ENTREP1: variants seen among roughly 807,000 people sequenced by gnomAD.
ENTREP1 encodes endosomal transmembrane epsin interactor 1.
chr9:69,335,752 C>G, the ENTREP1 span, among the ~76,000 whole-genome samples: 16 of 106,246 alleles, frequency 1.5e-4, no homozygotes, highest in Non-Finnish European at 2.7e-4. Context: ...AATAGTGATT[C>G]CTCACTCACC....
the ENTREP1 span, among the ~76,000 whole-genome samples, chr9:69,367,792 T>TATATAAATATATATATACAC: frequency 4.5e-3 from 195 of 43,066 alleles, 11 homozygotes; most frequent in African/African-American, 0.022. Flanking sequence ...TATACACACA[T>TATATAAATATATATATACAC]ATATATAAAT....
the ENTREP1 span, chr9:69,325,688 G>A: frequency 8.1e-7 from 1 of 1,231,202 alleles, no homozygotes; most frequent in Admixed American, 4.2e-5. Context: ...CTCCCCGCAG[G>A]TGAAGAACTC....
the ENTREP1 span, among the ~76,000 whole-genome samples, chr9:69,376,691 G>A: frequency 6.6e-6 from 1 of 152,188 alleles, no homozygotes; most frequent in African/African-American, 2.4e-5. Context: ...GAAATGGCCT[G>A]CTTTCCATGG....
the ENTREP1 span, among the ~76,000 whole-genome samples, chr9:69,376,613 G>C: frequency 2.4e-4 from 37 of 152,136 alleles, no homozygotes; most frequent in African/African-American, 8.9e-4. Context: ...CATTTTGGTG[G>C]GGAGGAAGAA....
At chr9:69,365,898 A>G in the ENTREP1 span, among the ~76,000 whole-genome samples, 115 of 152,284 alleles carry the variant, frequency 7.6e-4, no homozygotes, top group African/African-American at 2.7e-3. Flanking sequence ...CAATGTGTAT[A>G]TATACCATAT....
the ENTREP1 span, among the ~76,000 whole-genome samples, chr9:69,326,558 A>G: frequency 6.6e-6 from 1 of 152,098 alleles, no homozygotes; most frequent in African/African-American, 2.4e-5. Flanking sequence ...GCCAGTATCT[A>G]TGGACACCGG....
the ENTREP1 span, among the ~76,000 whole-genome samples, chr9:69,369,213 C>T: frequency 1.3e-5 from 2 of 152,112 alleles, no homozygotes; most frequent in African/African-American, 4.8e-5. Flanking sequence ...GCCACATTTT[C>T]TTTATCCAGT....
the ENTREP1 span, among the ~76,000 whole-genome samples, chr9:69,330,991 T>C: frequency 6.6e-6 from 1 of 152,092 alleles, no homozygotes; most frequent in Non-Finnish European, 1.5e-5. Flanking sequence ...TAGGACATTA[T>C]AGTTACCATC....
chr9:69,382,204 A>C, the ENTREP1 span: 1 of 152,300 alleles, frequency 6.6e-6, no homozygotes, highest in Non-Finnish European at 1.5e-5. Context: ...AGCAAATTGC[A>C]CTGTTCATTT....
chr9:69,337,347 A>G, the ENTREP1 span, among the ~76,000 whole-genome samples: 1 of 152,300 alleles, frequency 6.6e-6, no homozygotes, highest in South Asian at 2.1e-4. Flanking sequence ...TGTATTAATC[A>G]TGAATATATG....
the ENTREP1 span, among the ~76,000 whole-genome samples, chr9:69,341,595 G>A: frequency 6.6e-6 from 1 of 152,092 alleles, no homozygotes; most frequent in Non-Finnish European, 1.5e-5. Flanking sequence ...CTTGGATGGA[G>A]AGTCATAGAA....
At chr9:69,383,378 T>G in the ENTREP1 span, 6,660 of 1,279,290 alleles carry the variant, frequency 5.2e-3, 27 homozygotes, top group Middle Eastern at 9.6e-3. Context: ...TATGGATTGT[T>G]TGCTTTTTGA....
At chr9:69,325,489 C>T in the ENTREP1 span, 1 of 942,998 alleles carries the variant, frequency 1.1e-6, no homozygotes. Flanking sequence ...GCTGCGCGGC[C>T]ACCGCTGCTG....
At chr9:69,332,593 A>G in the ENTREP1 span, among the ~76,000 whole-genome samples, 1 of 152,222 alleles carries the variant, frequency 6.6e-6, no homozygotes, top group African/African-American at 2.4e-5. Flanking sequence ...TTGTACATAT[A>G]TACATTTTGT....
At chr9:69,367,698 TATATAA>T in the ENTREP1 span, among the ~76,000 whole-genome samples, 1 of 118,340 alleles carries the variant, frequency 8.5e-6, no homozygotes, top group East Asian at 2.4e-4. Flanking sequence ...TATACACATA[TATATAA>T]ATATATATAT....
chr9:69,340,801 A>G, the ENTREP1 span, among the ~76,000 whole-genome samples: 6,037 of 51,924 alleles, frequency 0.12, 302 homozygotes, highest in African/African-American at 0.24. Context: ...GTGTGTGTGC[A>G]TGTGTGTGTG....
At chr9:69,385,131 G>A in the ENTREP1 span, among the ~76,000 whole-genome samples, 1 of 152,062 alleles carries the variant, frequency 6.6e-6, no homozygotes, top group Non-Finnish European at 1.5e-5. Context: ...ATGTTGGCCA[G>A]GCAGGTCTTG....
chr9:69,392,199 T>C, the ENTREP1 span: 1 of 224,228 alleles, frequency 4.5e-6, no homozygotes, highest in African/African-American at 2.3e-5. Context: ...CTGCTATTTA[T>C]AGTTGCCTTT....
chr9:69,377,801 G>A, the ENTREP1 span: 71 of 1,529,126 alleles, frequency 4.6e-5, no homozygotes, highest in Non-Finnish European at 5.9e-5. Context: ...TCTGAAGACT[G>A]AAGTGTCTCC....
Sources: gnomAD v4.1 joint callset for allele counts (sites outside exome capture counted in the v4.1 genomes callset) on GRCh38, gnomAD v4.1.1 for gene constraint, MANE v1.5 for transcripts, NCBI Gene and HGNC (gene_info 2026-07-23, HGNC 2026-07-21) for gene names.